SEPTIN9: variants seen among roughly 807,000 people sequenced by gnomAD.
SEPTIN9 encodes septin 9.
Under a neutral mutation model 56.6 loss-of-function variants are expected in SEPTIN9, and 13 were observed. That is an observed-to-expected ratio of 0.23 (90% CI 0.15 to 0.37). SEPTIN9 has a LOEUF of 0.37. Among genes scored for constraint, SEPTIN9 ranks in the 10% least tolerant of loss-of-function variants. The probability of loss-of-function intolerance (pLI) is 1.00; values close to 1 mark genes in which losing one functional copy is unlikely to be tolerated. For synonymous variants in SEPTIN9, 332 were observed against 334.1 expected, an observed-to-expected ratio of 0.99 and a Z score of 0.07; for missense variants, 650 against 823.1, an observed-to-expected ratio of 0.79 and a Z score of 2.57.
In SEPTIN9 at chr17:77,304,769, G is replaced by A. The variant is rs1279238550; in HGVS notation, c.20-2372G>A. On this transcript the variant is annotated intron_variant, in intron 1 of 11. Coordinates refer to ENST00000427177, the MANE Select transcript of SEPTIN9 (RefSeq NM_001113491.2). ...CCCCGGACAGCAGAATGTCCCAGTAGTGCACTGATGGTGTGTGCGTGGGGA... is the reference window on the plus strand; with the variant it reads ...CCCCGGACAGCAGAATGTCCCAGTAATGCACTGATGGTGTGTGCGTGGGGA... Among the ~76,000 whole-genome samples, 3 of 152,190 alleles carry A rather than the reference G, an allele frequency of 2.0e-5. No homozygotes were observed. In the East Asian group the frequency reaches 5.8e-4, roughly 29 times the overall value.
chr17:77,407,751 G>T (rs2036142925), intron 3 of SEPTIN9, among the ~76,000 whole-genome samples: 1 of 152,236 alleles, frequency 6.6e-6, no homozygotes, highest in African/African-American at 2.4e-5. Context: ...CCCTGCCCCT[G>T]GACTTGGCAC....
At chr17:77,431,195 G>T (rs913480763) in intron 3 of SEPTIN9, among the ~76,000 whole-genome samples, 31 of 152,274 alleles carry the variant, frequency 2.0e-4, no homozygotes, top group Middle Eastern at 3.4e-3. Context: ...TGTAGTCCCA[G>T]CTCCTCAGGA....
chr17:77,359,476 A>G (rs2034349830), intron 2 of SEPTIN9, among the ~76,000 whole-genome samples: 1 of 152,182 alleles, frequency 6.6e-6, no homozygotes, highest in South Asian at 2.1e-4. Context: ...TTCATCCTGG[A>G]GCTGGAACAG....
rs312872 is a variant in SEPTIN9, at chr17:77,371,245, A to C, written c.77-30814A>C. 0.69 allele frequency among the ~76,000 whole-genome samples: 105,063 copies of C among 152,100 alleles called. 37,095 individuals are homozygous for C. The highest frequency in any genetic ancestry group is 0.96 in the East Asian group (4,971 of 5,168). On this transcript the variant is annotated intron_variant, in intron 2 of 11. Transcript: ENST00000427177. This position sits in a 1 kb window ranked among gnomAD's most constrained non-coding sequence, Gnocchi z 4.1. ...CCGGTGGGCTCTGAGCACAGTCACG[A>C]AGGCATGCGCACTTTCTGGCTGCTC...
At chr17:77,282,342 G>A (rs1395968318) in intron 1 of SEPTIN9, among the ~76,000 whole-genome samples, 1 of 152,094 alleles carries the variant, frequency 6.6e-6, no homozygotes, top group Non-Finnish European at 1.5e-5. Flanking sequence ...GATCCAGGCA[G>A]GCAGGATCCT....
rs1276451295 is a variant in SEPTIN9, at chr17:77,499,247, C to T, written c.*589C>T. On this transcript the variant is annotated 3_prime_UTR_variant, in exon 12 of 12. Coordinates refer to ENST00000427177, the MANE Select transcript of SEPTIN9 (RefSeq NM_001113491.2). The stretch of plus-strand genomic sequence containing the variant: ...CCCTGCCACCGACTGCCCAGCCACT[C>T]CAAGCCCCCTGGCAGCTGCCCCTCC... 2 of 595,532 alleles carry T rather than the reference C, an allele frequency of 3.4e-6. No homozygotes were observed. Among genetic ancestry groups the T allele is most frequent in the Admixed American group, 1.9e-5 (1 of 53,662 alleles). The allele number at this position is 595,532 out of a possible 1,614,324, so 36.9% of individuals were successfully genotyped here.
intron 10 of SEPTIN9, among the ~76,000 whole-genome samples, chr17:77,495,679 C>T (rs1362400299): frequency 1.3e-5 from 2 of 152,230 alleles, no homozygotes; most frequent in African/African-American, 2.4e-5. Context: ...CCGGCTCTCG[C>T]TGCCCGTCAG....
intron 2 of SEPTIN9, among the ~76,000 whole-genome samples, chr17:77,316,299 G>A (rs994741769): frequency 1.3e-5 from 2 of 152,042 alleles, no homozygotes; most frequent in Non-Finnish European, 2.9e-5. Context: ...CTCTGCACTC[G>A]CCTCCCAGCC....
rs140942353 is a variant in SEPTIN9 at position 77,449,363 on chromosome 17, C to T, written c.722-32781C>T. On this transcript the variant is annotated intron_variant, in intron 3 of 11. Transcript: ENST00000427177. The surrounding 1 kb of genome is among the most constrained non-coding windows in gnomAD (Gnocchi z 4.6). ...GAGGAACCACTGCAAGAGGGGCGGCCACCTCAGCAAAGCACCCAGGATGCT... is the reference window on the plus strand; with the variant it reads ...GAGGAACCACTGCAAGAGGGGCGGCTACCTCAGCAAAGCACCCAGGATGCT... Among the ~76,000 whole-genome samples the T allele has an allele frequency of 1.1e-4, 16 of 152,266 alleles. No individual in the cohort carries two copies. Among genetic ancestry groups the T allele is most frequent in the Admixed American group, 2.6e-4 (4 of 15,286 alleles).
intron 2 of SEPTIN9, among the ~76,000 whole-genome samples, chr17:77,392,543 G>A (rs1036926277): frequency 6.4e-5 from 5 of 77,942 alleles, no homozygotes; most frequent in African/African-American, 3.0e-4. Context: ...GTAACCTTTG[G>A]CCACCAAGCT....
chr17:77,414,354 C>G (rs1352874746), intron 3 of SEPTIN9, among the ~76,000 whole-genome samples: 3 of 152,092 alleles, frequency 2.0e-5, no homozygotes, highest in Admixed American at 2.0e-4. Flanking sequence ...GGATTACAGG[C>G]ATGAGTCACC....
Position 77,493,681 on chromosome 17 carries a change from A to G in SEPTIN9, c.1573+605A>G, listed in dbSNP as rs114175833. Reference sequence around the variant, plus strand: ...GGTGGCGCCTGGCATTCCTAGTTGTATTGTAAAGGCATCACATGCTCTAAT... The same window carrying G: ...GGTGGCGCCTGGCATTCCTAGTTGTGTTGTAAAGGCATCACATGCTCTAAT... On this transcript the variant is annotated intron_variant, in intron 10 of 11. Coordinates refer to ENST00000427177, the MANE Select transcript of SEPTIN9 (RefSeq NM_001113491.2). Among the ~76,000 whole-genome samples the G allele has an allele frequency of 4.4e-3, 656 of 149,858 alleles. 4 individuals are homozygous for G. Among genetic ancestry groups the G allele is most frequent in the South Asian group, 0.018 (83 of 4,674 alleles).
intron 3 of SEPTIN9, among the ~76,000 whole-genome samples, chr17:77,410,702 G>A (rs1287476219): frequency 2.0e-5 from 3 of 152,198 alleles, no homozygotes; most frequent in African/African-American, 7.2e-5. Context: ...GGAGCGCCTG[G>A]GGGATTCGTG....
chr17:77,441,758 C>T (rs775738094), intron 3 of SEPTIN9, among the ~76,000 whole-genome samples: 4 of 152,182 alleles, frequency 2.6e-5, no homozygotes, highest in Admixed American at 6.5e-5. Flanking sequence ...CTCTGTCTAG[C>T]GCAAGAGGTG....
At chr17:77,448,794 T>C (rs929093345) in intron 3 of SEPTIN9, among the ~76,000 whole-genome samples, 4 of 152,150 alleles carry the variant, frequency 2.6e-5, no homozygotes, top group Non-Finnish European at 5.9e-5. Context: ...CTTTTCTTTT[T>C]TTTTTTAAAT....
chr17:77,292,703 G>A (rs759063168), intron 1 of SEPTIN9, among the ~76,000 whole-genome samples: 16 of 151,984 alleles, frequency 1.1e-4, no homozygotes, highest in South Asian at 6.2e-4. Context: ...TACATTGGCC[G>A]GGCTGGTCTC....
chr17:77,453,403 C>G lies in SEPTIN9; in HGVS notation c.722-28741C>G, dbSNP rs1255730497. Among the ~76,000 whole-genome samples the G allele has an allele frequency of 6.6e-6, 1 of 152,070 alleles. No individual in the cohort carries two copies. Among genetic ancestry groups the G allele is most frequent in the Non-Finnish European group, 1.5e-5 (1 of 68,016 alleles). ...GGCAGATCACCTGAGGTCAAGAGTT[C>G]GAGACCAGCCTGGCCAACATGGTGA... On this transcript the variant is annotated intron_variant, in intron 3 of 11. Coordinates refer to ENST00000427177, the MANE Select transcript of SEPTIN9 (RefSeq NM_001113491.2). The surrounding 1 kb of genome is among the most constrained non-coding windows in gnomAD (Gnocchi z 4.4).
At chr17:77,282,109 C>T (rs1388748985) in intron 1 of SEPTIN9, among the ~76,000 whole-genome samples, 2 of 152,214 alleles carry the variant, frequency 1.3e-5, no homozygotes, top group East Asian at 3.8e-4. Flanking sequence ...CCTCACTCCA[C>T]CCTAGCAGGG....
At chr17:77,314,896 C>T (rs751821596) in intron 2 of SEPTIN9, among the ~76,000 whole-genome samples, 1 of 152,132 alleles carries the variant, frequency 6.6e-6, no homozygotes, top group Non-Finnish European at 1.5e-5. Flanking sequence ...AGCTGTGCTT[C>T]GTGGAAGGGG....
Sources: gnomAD v4.1 joint callset for allele counts (sites outside exome capture counted in the v4.1 genomes callset) on GRCh38, gnomAD v4.1.1 for gene constraint, Gnocchi (gnomAD v3.1) non-coding constraint, MANE v1.5 for transcripts, NCBI Gene and HGNC (gene_info 2026-07-23, HGNC 2026-07-21) for gene names.